The following LMF1 variants were observed in gnomAD, a reference collection of about 807,000 sequenced individuals.
LMF1 encodes the protein transmembrane protein 112.
Under a neutral mutation model 60.6 loss-of-function variants are expected in LMF1, and 68 were observed. The observed-to-expected ratio is 1.12, with a 90% CI of 0.92 to 1.37. The LOEUF is 1.37. Ranked by LOEUF, LMF1 falls within the 40% of genes most tolerant of loss-of-function variation. The pLI is 0.00. For synonymous variants in LMF1, 418 were observed against 324.7 expected (o/e 1.29, Z -3.09); for missense variants, 948 against 767.2 (o/e 1.24, Z -2.78).
rs2071429350 is a variant in LMF1 at position 921,477 on chromosome 16, G to C, written c.515-10398C>G. The stretch of plus-strand genomic sequence containing the variant: ...AGCCAAACCCCCCGGCGGAGTGTGT[G>C]GGGGCAGGGACAAAACGCTCCACGC... On this transcript the variant is annotated intron_variant, in intron 3 of 10. Transcript: ENST00000262301. Among the ~76,000 whole-genome samples, 5 of 151,666 alleles carry C rather than the reference G, an allele frequency of 3.3e-5. No homozygotes were observed. In the South Asian group the frequency reaches 1.0e-3, roughly 31 times the overall value.
intron 10 of LMF1, among the ~76,000 whole-genome samples, chr16:857,836 A>G (rs376516531): frequency 1.7e-4 from 7 of 40,714 alleles, no homozygotes; most frequent in Non-Finnish European, 1.2e-4. Context: ...GTGTCTCGGG[A>G]TGGGTGTGAG....
chr16:921,113 T>C (rs1257904993), intron 3 of LMF1: 2 of 152,252 alleles, frequency 1.3e-5, no homozygotes, highest in Non-Finnish European at 2.9e-5. Flanking sequence ...CAGACTGCGC[T>C]TAGAAGGAAC....
At chr16:955,403 C>A (rs2072667412) in intron 1 of LMF1, among the ~76,000 whole-genome samples, 1 of 99,436 alleles carries the variant, frequency 1.0e-5, no homozygotes. Context: ...TGCATACACG[C>A]ACACACATGT....
intron 7 of LMF1, 61 bp from the exon 8 acceptor site, chr16:870,943 G>T: frequency 6.5e-7 from 1 of 1,528,248 alleles, no homozygotes; most frequent in South Asian, 1.2e-5. Flanking sequence ...CTGTCCCTGG[G>T]GAGACCCCAG....
intron 3 of LMF1, among the ~76,000 whole-genome samples, chr16:915,523 C>G (rs1442541341): frequency 6.6e-6 from 1 of 152,252 alleles, no homozygotes; most frequent in Non-Finnish European, 1.5e-5. Flanking sequence ...AGATCTGCGC[C>G]TGGCGGCCTG....
chr16:889,707 G>T (rs117708249), intron 5 of LMF1, among the ~76,000 whole-genome samples: 1 of 152,194 alleles, frequency 6.6e-6, no homozygotes, highest in Non-Finnish European at 1.5e-5. Context: ...CAGAGGGCAC[G>T]GCTCGGGGGT....
chr16:954,702 G>T, intron 1 of LMF1, 36 bp from the exon 2 acceptor site: 3 of 1,545,792 alleles, frequency 1.9e-6, no homozygotes, highest in South Asian at 2.5e-5. Context: ...GCATGACTAG[G>T]AACAAACCAC....
intron 3 of LMF1, among the ~76,000 whole-genome samples, chr16:914,085 A>G (rs867294170): frequency 1.3e-5 from 2 of 152,038 alleles, no homozygotes; most frequent in Non-Finnish European, 2.9e-5. Context: ...CTGCAGCTAC[A>G]CGCACGGTCT....
At chr16:855,016 G>T (rs7200118) in intron 10 of LMF1, 8,710 of 480,258 alleles carry the variant, frequency 0.018, 406 homozygotes, top group African/African-American at 0.12. Context: ...GGAGCTTCAC[G>T]GGTGGCACTG....
chr16:895,465 C>T (rs905348136), intron 4 of LMF1, among the ~76,000 whole-genome samples: 2 of 152,284 alleles, frequency 1.3e-5, no homozygotes, highest in African/African-American at 2.4e-5. Context: ...CGGCCGTGGG[C>T]CCCTAGCCGG....
intron 3 of LMF1, among the ~76,000 whole-genome samples, chr16:925,382 A>C (rs1351035232): frequency 6.6e-6 from 1 of 152,232 alleles, no homozygotes; most frequent in Non-Finnish European, 1.5e-5. Context: ...GAGAAATTCA[A>C]AACCAACAAA....
chr16:953,279 C>T lies in LMF1; in HGVS notation c.503+1078G>A, dbSNP rs867771450. On this transcript the variant is annotated intron_variant, in intron 2 of 10. Transcript: ENST00000262301. Reference sequence around the variant, plus strand: ...CACCCCAAACCAGCCTCCTACACGTCCACACAGACACCCCAAACCAGCCTC... The same window carrying T: ...CACCCCAAACCAGCCTCCTACACGTTCACACAGACACCCCAAACCAGCCTC... Among the ~76,000 whole-genome samples, 67 of 39,114 alleles carry T rather than the reference C, an allele frequency of 1.7e-3. 3 individuals carry two copies. Among genetic ancestry groups the T allele is most frequent in the African/African-American group, 6.9e-3 (44 of 6,364 alleles). 25.7% of individuals were successfully genotyped at this position (39,114 alleles called of 152,430 possible).
intron 2 of LMF1, among the ~76,000 whole-genome samples, chr16:941,213 T>C (rs1352536528): frequency 6.6e-6 from 1 of 152,056 alleles, no homozygotes; most frequent in Non-Finnish European, 1.5e-5. Flanking sequence ...TGCATATACT[T>C]GATACCTGAT....
rs1224041160 is a variant in LMF1 at position 874,803 on chromosome 16, C to G, written c.898-3462G>C. Among the ~76,000 whole-genome samples the G allele has an allele frequency of 6.6e-6, 1 of 152,014 alleles. No homozygotes were observed. The highest frequency in any genetic ancestry group is 1.9e-4 in the East Asian group (1 of 5,190). On this transcript the variant is annotated intron_variant, in intron 6 of 10. Coordinates refer to ENST00000262301, the MANE Select transcript of LMF1 (RefSeq NM_022773.4). This position sits in a 1 kb window ranked among gnomAD's most constrained non-coding sequence, Gnocchi z 4.1. ...GGCGGCGCTCAGAAGTCTCAGGGCA[C>G]TCGGCTGTCACAGCGCGGCACAGGG...
chr16:967,067 C>T (rs2072939258), intron 1 of LMF1, among the ~76,000 whole-genome samples: 1 of 152,220 alleles, frequency 6.6e-6, no homozygotes, highest in African/African-American at 2.4e-5. Context: ...GCTGTCCTTC[C>T]CCCGTCTTGT....
Position 874,066 on chromosome 16 carries a change from G to A in LMF1, c.898-2725C>T, listed in dbSNP as rs973301980. ...GCGGGTGTGAGGGTCTCCTTTGCCGGGTGTGGGGGGGGTATGGGAAGTTCT... is the reference window on the plus strand; with the variant it reads ...GCGGGTGTGAGGGTCTCCTTTGCCGAGTGTGGGGGGGGTATGGGAAGTTCT... On this transcript the variant is annotated intron_variant, in intron 6 of 10. Transcript: ENST00000262301. This position sits in a 1 kb window ranked among gnomAD's most constrained non-coding sequence, Gnocchi z 4.1. 1.3e-5 allele frequency among the ~76,000 whole-genome samples: 2 copies of A among 152,230 alleles called. No homozygotes were observed. Among genetic ancestry groups the A allele is most frequent in the Non-Finnish European group, 2.9e-5 (2 of 68,040 alleles).
intron 10 of LMF1, among the ~76,000 whole-genome samples, chr16:866,204 ATTTTGGATCT>A (rs1436007537): frequency 6.6e-6 from 1 of 151,982 alleles, no homozygotes. Context: ...GTATTAGGAG[ATTTTGGATCT>A]TATTTAAACC....
upstream of LMF1, among the ~76,000 whole-genome samples, chr16:974,381 C>T (rs561882106): frequency 2.6e-5 from 4 of 152,208 alleles, no homozygotes; most frequent in African/African-American, 4.8e-5. Context: ...AGGAGGAGGG[C>T]GTCCTGAGAG....
chr16:927,494 C>T (rs4389146), intron 3 of LMF1, among the ~76,000 whole-genome samples: 11,020 of 152,326 alleles, frequency 0.072, 460 homozygotes, highest in Non-Finnish European at 0.091. Context: ...GGTTGCAGCC[C>T]GGCAGCTGAG....
Sources: gnomAD v4.1 joint callset for allele counts (sites outside exome capture counted in the v4.1 genomes callset) on GRCh38, gnomAD v4.1.1 for gene constraint, Gnocchi (gnomAD v3.1) non-coding constraint, MANE v1.5 for transcripts, NCBI Gene and HGNC (gene_info 2026-07-23, HGNC 2026-07-21) for gene names.